The following CNBD1 variants were observed in gnomAD, a reference collection of about 807,000 sequenced individuals.
CNBD1 encodes cyclic nucleotide-binding domain-containing protein 1.
Under a neutral mutation model 54.4 loss-of-function variants are expected in CNBD1, and 71 were observed. The ratio of observed to expected loss-of-function variants is 1.30; its 90% CI spans 1.08 to 1.59. The LOEUF (loss-of-function observed/expected upper bound fraction) is 1.59, where lower values mean the gene tolerates loss of function less well. Ranked by LOEUF, CNBD1 falls within the 40% of genes most tolerant of loss-of-function variation. The pLI is 0.00. For missense variants in CNBD1, 659 were observed against 518.0 expected (o/e 1.27, Z -2.64); for synonymous variants, 182 against 170.7 (o/e 1.07, Z -0.51).
intron 4 of CNBD1, among the ~76,000 whole-genome samples, chr8:87,100,284 GATAAAATATTTTAAATATTTTAAA>G: frequency 6.6e-6 from 1 of 152,160 alleles, no homozygotes; most frequent in African/African-American, 2.4e-5. Flanking sequence ...ATAATATCTA[GATAAAATATTTTAAATATTTTAAA>G]AGAAAATATT....
intron 4 of CNBD1, among the ~76,000 whole-genome samples, chr8:87,111,027 G>A (rs1467156809): frequency 6.6e-6 from 1 of 152,176 alleles, no homozygotes; most frequent in Non-Finnish European, 1.5e-5. Flanking sequence ...TTTTGCAGGT[G>A]ACAGACTGGT....
chr8:87,367,909 C>T (rs764889899), intron 10 of CNBD1, among the ~76,000 whole-genome samples: 8 of 152,144 alleles, frequency 5.3e-5, no homozygotes, highest in East Asian at 1.9e-4. Flanking sequence ...TGGTGGCTTA[C>T]GCCTATAATT....
chr8:86,890,791 G>A (rs1399991688), intron 2 of CNBD1, among the ~76,000 whole-genome samples: 1 of 152,000 alleles, frequency 6.6e-6, no homozygotes, highest in Non-Finnish European at 1.5e-5. Flanking sequence ...TAACAGATAT[G>A]AGGTAATATC....
chr8:87,242,303 AT>A (rs1336953933), intron 6 of CNBD1, among the ~76,000 whole-genome samples: 1 of 152,154 alleles, frequency 6.6e-6, no homozygotes, highest in East Asian at 1.9e-4. Flanking sequence ...CTTTTTCCTG[AT>A]ACAAGAGAAA....
At chr8:87,118,582 G>C (rs897785025) in intron 4 of CNBD1, among the ~76,000 whole-genome samples, 3 of 152,114 alleles carry the variant, frequency 2.0e-5, no homozygotes, top group Non-Finnish European at 4.4e-5. Flanking sequence ...GAGGTTAGTA[G>C]GTAGCTGGAA....
intron 8 of CNBD1, among the ~76,000 whole-genome samples, chr8:87,344,352 A>C (rs1810127038): frequency 6.6e-6 from 1 of 152,086 alleles, no homozygotes; most frequent in Admixed American, 6.6e-5. Context: ...GAAGGAGTTT[A>C]CAAAGTCTAA....
At chr8:87,264,843 G>A (rs1039399460) in intron 6 of CNBD1, among the ~76,000 whole-genome samples, 1 of 151,866 alleles carries the variant, frequency 6.6e-6, no homozygotes. Flanking sequence ...TTGTTGATGG[G>A]GTTGTTTGTT....
At chr8:87,143,783 T>G (rs1812424043) in intron 4 of CNBD1, among the ~76,000 whole-genome samples, 1 of 152,228 alleles carries the variant, frequency 6.6e-6, no homozygotes, top group Non-Finnish European at 1.5e-5. Context: ...ACATCATCTC[T>G]ATTGGGAGTT....
At chr8:86,938,641 C>G (rs527491286) in intron 3 of CNBD1, among the ~76,000 whole-genome samples, 153 of 152,274 alleles carry the variant, frequency 1.0e-3, no homozygotes, top group African/African-American at 3.1e-3. Context: ...ATCATGAGAA[C>G]AGTCCAGGAA....
At chr8:87,144,434 A>AT (rs1359944891) in intron 4 of CNBD1, among the ~76,000 whole-genome samples, 1 of 152,232 alleles carries the variant, frequency 6.6e-6, no homozygotes, top group Non-Finnish European at 1.5e-5. Context: ...TAAGATATAA[A>AT]TTACTTTGAA....
chr8:87,302,975 G>A (rs1317180721), intron 8 of CNBD1, among the ~76,000 whole-genome samples: 5 of 151,140 alleles, frequency 3.3e-5, no homozygotes, highest in African/African-American at 7.3e-5. Context: ...CACTGCTCAA[G>A]GAAATAAAAG....
chr8:87,183,639 T>G (rs1813410962), intron 4 of CNBD1, among the ~76,000 whole-genome samples: 1 of 152,146 alleles, frequency 6.6e-6, no homozygotes. Flanking sequence ...CTTGTACTAG[T>G]TCTTTTTCAT....
chr8:86,951,522 G>C (rs1051254524), intron 4 of CNBD1, among the ~76,000 whole-genome samples: 1 of 128,944 alleles, frequency 7.8e-6, no homozygotes, highest in South Asian at 2.7e-4. Flanking sequence ...AGAGGTTTCA[G>C]TGAGCCGAGA....
intron 4 of CNBD1, among the ~76,000 whole-genome samples, chr8:86,970,868 C>A (rs1808204827): frequency 6.6e-6 from 1 of 152,034 alleles, no homozygotes; most frequent in South Asian, 2.1e-4. Flanking sequence ...TGAAGGGCAC[C>A]TAGGTTGATT....
At chr8:86,870,646 G>A (rs1467681654) in intron 1 of CNBD1, among the ~76,000 whole-genome samples, 3 of 152,084 alleles carry the variant, frequency 2.0e-5, no homozygotes, top group South Asian at 4.1e-4. Flanking sequence ...TTCTTTGGTA[G>A]CCAAGGATTA....
Position 87,334,239 on chromosome 8 carries a change from A to G in CNBD1, c.1043-17446A>G, listed in dbSNP as rs1316603597. On this transcript the variant is annotated intron_variant, in intron 8 of 10. Coordinates refer to ENST00000518476, the MANE Select transcript of CNBD1 (RefSeq NM_173538.3). ...GTCAGTGTTGATATCCCCTTTATCA[A>G]TTTTTATTGTGTCTATTTGATTCTT... Among the ~76,000 whole-genome samples, 100 of 151,812 alleles carry G rather than the reference A, an allele frequency of 6.6e-4. 2 individuals carry two copies. Among genetic ancestry groups the G allele is most frequent in the Non-Finnish European group, 4.4e-5 (3 of 67,910 alleles).
At chr8:87,361,685 G>T in intron 10 of CNBD1, among the ~76,000 whole-genome samples, 1 of 113,624 alleles carries the variant, frequency 8.8e-6, no homozygotes, top group Non-Finnish European at 1.9e-5. Context: ...AAAATAGTTG[G>T]ATGAATATAT....
chr8:87,213,862 A>T (rs1257405587), intron 5 of CNBD1, among the ~76,000 whole-genome samples: 1 of 152,224 alleles, frequency 6.6e-6, no homozygotes, highest in Non-Finnish European at 1.5e-5. Flanking sequence ...CTGTAAAATC[A>T]AAAGCAAATT....
At chr8:87,384,161 T>G (rs796383456), downstream of CNBD1, among the ~76,000 whole-genome samples, 4 of 152,202 alleles carry the variant, frequency 2.6e-5, no homozygotes, top group African/African-American at 9.6e-5. Flanking sequence ...TTTAATTATG[T>G]GTTATTTCCA....
Sources: allele counts gnomAD v4.1 joint callset (sites outside exome capture counted in the v4.1 genomes callset), GRCh38; gene constraint gnomAD v4.1.1; transcripts MANE v1.5; gene names NCBI Gene and HGNC (gene_info 2026-07-23, HGNC 2026-07-21).